BAALC: variants seen among roughly 807,000 people sequenced by gnomAD.
The protein encoded by BAALC is brain and acute leukemia cytoplasmic protein.
BAALC carries 9 observed loss-of-function variants against 15.5 expected under a neutral mutation model. The observed-to-expected ratio is 0.58, with a 90% CI of 0.35 to 1.02. The LOEUF is 1.02. Ranked by LOEUF, BAALC falls within the 50% of genes least tolerant of loss-of-function variation. The pLI, the probability that BAALC is intolerant of heterozygous loss-of-function variation, is 0.02. For missense variants in BAALC, 201 were observed against 192.4 expected, an observed-to-expected ratio of 1.04 and a Z score of -0.27; for synonymous variants, 80 against 74.6, an observed-to-expected ratio of 1.07 and a Z score of -0.37.
At chr8:103,226,244 A>G (rs985187935) in intron 2 of BAALC, among the ~76,000 whole-genome samples, 1 of 152,224 alleles carries the variant, frequency 6.6e-6, no homozygotes, top group African/African-American at 2.4e-5. Context: ...GTCCAGCCAC[A>G]ATGCAAGCTG....
At chr8:103,170,135 AG>A (rs1428733175) in intron 1 of BAALC, among the ~76,000 whole-genome samples, 2 of 152,086 alleles carry the variant, frequency 1.3e-5, no homozygotes, top group African/African-American at 4.8e-5. Flanking sequence ...TGCCTCTAAA[AG>A]TTCCCTTATG....
chr8:103,206,872 G>A (rs922662625), intron 1 of BAALC, among the ~76,000 whole-genome samples: 7 of 152,162 alleles, frequency 4.6e-5, no homozygotes, highest in Non-Finnish European at 1.0e-4. Flanking sequence ...GGTCACTTTG[G>A]AGTGAAAGGA....
At chr8:103,157,131 C>T in intron 1 of BAALC, 1 of 147,518 alleles carries the variant, frequency 6.8e-6, no homozygotes, top group Admixed American at 6.7e-5. Context: ...TAGGTACACA[C>T]ACACACACAC....
chr8:103,164,409 T>G (rs1455231362), intron 1 of BAALC, among the ~76,000 whole-genome samples: 2 of 152,200 alleles, frequency 1.3e-5, no homozygotes, highest in African/African-American at 4.8e-5. Context: ...CACTGGAACC[T>G]CTAAACCTCT....
intron 1 of BAALC, among the ~76,000 whole-genome samples, chr8:103,204,006 T>C (rs1812277018): frequency 6.6e-6 from 1 of 152,210 alleles, no homozygotes; most frequent in Non-Finnish European, 1.5e-5. Context: ...AATTGCAGAC[T>C]GAAAGCAGCT....
intron 2 of BAALC, among the ~76,000 whole-genome samples, chr8:103,217,254 C>T (rs771016559): frequency 6.6e-6 from 1 of 152,178 alleles, no homozygotes; most frequent in Non-Finnish European, 1.5e-5. Context: ...TTACATCCTG[C>T]GACCTCACCA....
chr8:103,206,990 C>T (rs1013875361), intron 1 of BAALC, among the ~76,000 whole-genome samples: 3 of 152,182 alleles, frequency 2.0e-5, no homozygotes, highest in Admixed American at 1.3e-4. Context: ...TTAATATAAT[C>T]GGCAAGGCTT....
chr8:103,208,667 C>T (rs931412312), intron 1 of BAALC, among the ~76,000 whole-genome samples: 5 of 152,172 alleles, frequency 3.3e-5, no homozygotes, highest in African/African-American at 1.2e-4. Flanking sequence ...TAAGTAAATC[C>T]AATGGACAAT....
Position 103,228,231 on chromosome 8 carries a change from C to A in BAALC, c.*132C>A. On this transcript the variant is annotated 3_prime_UTR_variant, in exon 3 of 3. Transcript: ENST00000309982. ...TCTACTGAGTCCCTGGCAAGACTGTCTTACCTGGCAGCAAACTGCTGCCTG... is the reference window on the plus strand; with the variant it reads ...TCTACTGAGTCCCTGGCAAGACTGTATTACCTGGCAGCAAACTGCTGCCTG... 1 of 641,070 alleles carries A rather than the reference C, an allele frequency of 1.6e-6. No homozygotes were observed. The highest frequency in any genetic ancestry group is 2.7e-6 in the Non-Finnish European group (1 of 369,876). The allele number at this position is 641,070 out of a possible 1,614,324, so 39.7% of individuals were successfully genotyped here. A position where few individuals can be genotyped will look rare whatever the true frequency, so the allele number is the denominator to read the frequency against.
At chr8:103,145,813 T>G (rs1196142867) in intron 1 of BAALC, among the ~76,000 whole-genome samples, 1 of 152,212 alleles carries the variant, frequency 6.6e-6, no homozygotes, top group Non-Finnish European at 1.5e-5. Context: ...ATGAATGAAT[T>G]TCTTTCCTTA....
chr8:103,144,266 T>G (rs76517019), intron 1 of BAALC, among the ~76,000 whole-genome samples: 1,633 of 152,330 alleles, frequency 0.011, 30 homozygotes, highest in African/African-American at 0.036. Context: ...ATCTTCTTAC[T>G]CAAAAAATGA....
intron 1 of BAALC, among the ~76,000 whole-genome samples, chr8:103,178,594 C>T (rs1338507595): frequency 6.6e-6 from 1 of 152,186 alleles, no homozygotes; most frequent in Non-Finnish European, 1.5e-5. Context: ...CACAGTGACT[C>T]ACGCCTGTAA....
intron 1 of BAALC, among the ~76,000 whole-genome samples, chr8:103,152,617 G>T (rs1199864028): frequency 6.6e-6 from 1 of 152,256 alleles, no homozygotes; most frequent in Non-Finnish European, 1.5e-5. Flanking sequence ...GCCCAGCACA[G>T]AGTAGGCACT....
chr8:103,230,191 G>C lies in BAALC; in HGVS notation c.*2092G>C, dbSNP rs1812898581. The C allele has an allele frequency of 6.8e-6, 1 of 146,062 alleles. No homozygotes were observed. The highest frequency in any genetic ancestry group is 2.5e-5 in the African/African-American group (1 of 39,432). 9.0% of individuals were successfully genotyped at this position (146,062 alleles called of 1,614,324 possible). A position where few individuals can be genotyped will look rare whatever the true frequency, so the allele number is the denominator to read the frequency against. ...GAAGTTAAACCATGTGACTAAAAAT[G>C]CATCTGGCTACTTTTTCATGTATGT... On this transcript the variant is annotated 3_prime_UTR_variant, in exon 3 of 3. Transcript: ENST00000309982.
chr8:103,228,156 A>G lies in BAALC; in HGVS notation c.*57A>G. The G allele has an allele frequency of 3.3e-6, 4 of 1,219,984 alleles. No individual in the cohort carries two copies. The South Asian group carries it at 5.1e-5, about 16-fold the overall frequency. The allele number at this position is 1,219,984 out of a possible 1,614,324, so 75.6% of individuals were successfully genotyped here. A position where few individuals can be genotyped will look rare whatever the true frequency, so the allele number is the denominator to read the frequency against. On this transcript the variant is annotated 3_prime_UTR_variant, in exon 3 of 3. Transcript: ENST00000309982. ...TCTTCAGTGTCCTTCACGGCACTGG[A>G]TCCCATCAAAGAACCTTGAAGAAGT...
chr8:103,213,147 G>T, intron 2 of BAALC, 62 bp downstream of exon 2: 1 of 1,550,674 alleles, frequency 6.4e-7, no homozygotes. Context: ...TTGCTTCAGG[G>T]CAGAGCCACC....
intron 1 of BAALC, among the ~76,000 whole-genome samples, chr8:103,189,075 T>C (rs966811644): frequency 6.6e-6 from 1 of 152,350 alleles, no homozygotes; most frequent in East Asian, 1.9e-4. Flanking sequence ...ATAAAGCAAC[T>C]AATTCAGTGC....
In BAALC at chr8:103,158,126, G is replaced by A. The variant is rs151014320; in HGVS notation, c.160+17069G>A. Among the ~76,000 whole-genome samples, 443 of 152,224 alleles carry A rather than the reference G, an allele frequency of 2.9e-3. 2 individuals carry two copies. Among genetic ancestry groups the A allele is most frequent in the African/African-American group, 0.01 (424 of 41,536 alleles). On this transcript the variant is annotated intron_variant, in intron 1 of 2. Transcript: ENST00000309982. The stretch of plus-strand genomic sequence containing the variant: ...TTTTCTTGTTTCTTTCAGTTTATAG[G>A]TTTCCCATTTCCTCCCTTTCCCCTT...
intron 1 of BAALC, among the ~76,000 whole-genome samples, chr8:103,170,977 C>T (rs10955312): frequency 0.55 from 83,069 of 151,970 alleles, 22,882 homozygotes; most frequent in Middle Eastern, 0.61. Flanking sequence ...TGTCATGGTA[C>T]AGAACACATC....
Sources: allele counts gnomAD v4.1 joint callset (sites outside exome capture counted in the v4.1 genomes callset), GRCh38; gene constraint gnomAD v4.1.1; transcripts MANE v1.5; gene names NCBI Gene and HGNC (gene_info 2026-07-23, HGNC 2026-07-21).